The following KLF12 variants were observed in gnomAD, a reference collection of about 807,000 sequenced individuals.
KLF12 encodes Krueppel-like factor 12.
KLF12 carries 9 observed loss-of-function variants against 37.8 expected under a neutral mutation model. That is an observed-to-expected ratio of 0.24 (90% CI 0.14 to 0.42). KLF12 has a LOEUF of 0.42. Ranked by LOEUF, KLF12 falls within the 10% of genes least tolerant of loss-of-function variation. KLF12 has a pLI of 1.00. For synonymous variants in KLF12, 208 were observed against 202.1 expected, an observed-to-expected ratio of 1.03 and a Z score of -0.25; for missense variants, 411 against 516.0, an observed-to-expected ratio of 0.80 and a Z score of 1.97.
At chr13:74,268,149 A>C in the KLF12 span, among the ~76,000 whole-genome samples, 460 of 93,666 alleles carry the variant, frequency 4.9e-3, 4 homozygotes, top group African/African-American at 0.018. Context: ...CCAAAGGGAC[A>C]AATATACTAA....
At chr13:74,268,721 A>G in the KLF12 span, among the ~76,000 whole-genome samples, 1 of 152,206 alleles carries the variant, frequency 6.6e-6, no homozygotes, top group African/African-American at 2.4e-5. Flanking sequence ...TTTTCAGGTT[A>G]CAGCTCATAA....
intron 2 of KLF12, among the ~76,000 whole-genome samples, chr13:73,964,554 G>A (rs887378888): frequency 1.3e-5 from 2 of 149,860 alleles, no homozygotes; most frequent in Non-Finnish European, 2.9e-5. Flanking sequence ...TGGATCACGA[G>A]GTCAGGAGAT....
At chr13:73,939,000 A>G (rs1031502170) in intron 3 of KLF12, among the ~76,000 whole-genome samples, 5 of 152,198 alleles carry the variant, frequency 3.3e-5, no homozygotes, top group African/African-American at 1.2e-4. Context: ...TGCTTAGAGC[A>G]CTTAAAATGA....
At position 73,926,909 on chromosome 13, in the gene KLF12, G is replaced by C. The variant is rs897975071; in HGVS notation, c.123+17072C>G. Among the ~76,000 whole-genome samples the C allele has an allele frequency of 2.1e-5, 3 of 141,916 alleles. No individual in the cohort carries two copies. In the Admixed American group the frequency reaches 2.2e-4, roughly 10 times the overall value. The allele number at this position is 141,916 out of a possible 152,430, so 93.1% of individuals were successfully genotyped here. On this transcript the variant is annotated intron_variant, in intron 3 of 7. Transcript: ENST00000377669. ...TTAGAAGACAACTGAGAACATGACA[G>C]AACAGCACTCAACTCCGTGTCTCCT...
Position 73,694,652 on chromosome 13 carries a change from T to A in KLF12, c.*838A>T, listed in dbSNP as rs534300755. 1 of 152,752 alleles carries A rather than the reference T, an allele frequency of 6.5e-6. No homozygotes were observed. Among genetic ancestry groups the A allele is most frequent in the African/African-American group, 2.4e-5 (1 of 41,564 alleles). The allele number at this position is 152,752 out of a possible 1,614,324, so 9.5% of individuals were successfully genotyped here. A position where few individuals can be genotyped will look rare whatever the true frequency, so the allele number is the denominator to read the frequency against. On this transcript the variant is annotated 3_prime_UTR_variant, in exon 8 of 8. Transcript: ENST00000377669. The stretch of plus-strand genomic sequence containing the variant: ...AAATACTAGGGGCAGGAAGAGATGA[T>A]GCCTAGGTGACAGAACACTGCAATT...
intron 3 of KLF12, among the ~76,000 whole-genome samples, chr13:73,903,673 C>G (rs1356180341): frequency 6.6e-6 from 1 of 152,188 alleles, no homozygotes; most frequent in Non-Finnish European, 1.5e-5. Flanking sequence ...CAATCTACAA[C>G]AGAATCAAGC....
chr13:73,893,026 GAAA>G (rs137984991), intron 3 of KLF12, among the ~76,000 whole-genome samples: 1 of 134,770 alleles, frequency 7.4e-6, no homozygotes, highest in African/African-American at 2.7e-5. Flanking sequence ...CTTTGAAAGA[GAAA>G]AAAAAAAAAA....
At chr13:74,283,163 C>A in the KLF12 span, among the ~76,000 whole-genome samples, 1 of 152,264 alleles carries the variant, frequency 6.6e-6, no homozygotes, top group Admixed American at 6.5e-5. Context: ...CAAACTTCAC[C>A]GAAGAGTCTT....
At chr13:73,833,216 G>A (rs1289016007) in intron 4 of KLF12, among the ~76,000 whole-genome samples, 1 of 152,170 alleles carries the variant, frequency 6.6e-6, no homozygotes, top group African/African-American at 2.4e-5. Flanking sequence ...TATTTTACCT[G>A]AGAGTAAAAG....
chr13:74,118,648 G>A (rs1277652469), intron 1 of KLF12, among the ~76,000 whole-genome samples: 2 of 152,068 alleles, frequency 1.3e-5, no homozygotes, highest in African/African-American at 4.8e-5. Flanking sequence ...ATTAAATTAT[G>A]GTCAAAAAGT....
intron 3 of KLF12, among the ~76,000 whole-genome samples, chr13:73,901,746 A>G (rs73539922): frequency 0.047 from 7,145 of 152,244 alleles, 386 homozygotes; most frequent in African/African-American, 0.13. Flanking sequence ...TAAGCTCCGG[A>G]GGTCAGTGGC....
At chr13:73,704,012 T>G (rs1250982839) in intron 7 of KLF12, among the ~76,000 whole-genome samples, 1 of 152,164 alleles carries the variant, frequency 6.6e-6, no homozygotes, top group Non-Finnish European at 1.5e-5. Context: ...AAAGACAATA[T>G]TTTATTTGGC....
chr13:73,771,306 C>T (rs773117581), intron 5 of KLF12, among the ~76,000 whole-genome samples: 21 of 152,200 alleles, frequency 1.4e-4, no homozygotes, highest in Non-Finnish European at 2.6e-4. Context: ...TCTCCAGTAC[C>T]TGGTACTAAA....
intron 1 of KLF12, among the ~76,000 whole-genome samples, chr13:74,108,921 T>A (rs2138912310): frequency 6.6e-6 from 1 of 152,228 alleles, no homozygotes; most frequent in Admixed American, 6.5e-5. Flanking sequence ...ACAGTTCAAA[T>A]CCATATTGTT....
chr13:74,171,249 T>A, the KLF12 span, among the ~76,000 whole-genome samples: 2 of 152,204 alleles, frequency 1.3e-5, no homozygotes, highest in Non-Finnish European at 2.9e-5. Context: ...AGAGTGAAAC[T>A]ATCACATTTT....
chr13:73,704,375 A>T (rs1156783270), intron 7 of KLF12, among the ~76,000 whole-genome samples: 1 of 152,134 alleles, frequency 6.6e-6, no homozygotes, highest in African/African-American at 2.4e-5. Flanking sequence ...GAAAAACAGT[A>T]ATTCCATCTA....
chr13:74,216,942 A>G, the KLF12 span, among the ~76,000 whole-genome samples: 2 of 152,352 alleles, frequency 1.3e-5, no homozygotes, highest in East Asian at 3.9e-4. Flanking sequence ...GTCGGCCTAT[A>G]TATAAAAAAT....
chr13:73,902,090 C>T (rs1412697074), intron 3 of KLF12, among the ~76,000 whole-genome samples: 1 of 152,046 alleles, frequency 6.6e-6, no homozygotes, highest in Non-Finnish European at 1.5e-5. Flanking sequence ...GCCATTTAAA[C>T]AGAAAATCTT....
In KLF12 at chr13:73,687,818, G is replaced by A. The variant is rs1873583992; in HGVS notation, c.*7672C>T. 1 of 152,156 alleles carries A rather than the reference G, an allele frequency of 6.6e-6. No individual in the cohort carries two copies. The highest frequency in any genetic ancestry group is 2.4e-5 in the African/African-American group (1 of 41,438). 9.4% of individuals were successfully genotyped at this position (152,156 alleles called of 1,614,324 possible). A position where few individuals can be genotyped will look rare whatever the true frequency, so the allele number is the denominator to read the frequency against. On this transcript the variant is annotated 3_prime_UTR_variant, in exon 8 of 8. Transcript: ENST00000377669. Reference sequence around the variant, plus strand: ...TTCATTGGTTCTCGCCTTGCACAAAGGGTGGACTCTGTCTCAAACACTTCA... The same window carrying A: ...TTCATTGGTTCTCGCCTTGCACAAAAGGTGGACTCTGTCTCAAACACTTCA...
Sources: gnomAD v4.1 joint callset for allele counts (sites outside exome capture counted in the v4.1 genomes callset) on GRCh38, gnomAD v4.1.1 for gene constraint, MANE v1.5 for transcripts, NCBI Gene and HGNC (gene_info 2026-07-23, HGNC 2026-07-21) for gene names.